The following PARP8 variants were observed in gnomAD, a reference collection of about 807,000 sequenced individuals.
The protein encoded by PARP8 is protein mono-ADP-ribosyltransferase PARP8.
In PARP8, 51 loss-of-function variants were observed where a neutral mutation model predicts 124.1. The ratio of observed to expected loss-of-function variants is 0.41; its 90% CI spans 0.33 to 0.52. The LOEUF (loss-of-function observed/expected upper bound fraction) is 0.52, where lower values mean the gene tolerates loss of function less well. Among genes scored for constraint, PARP8 ranks in the 20% least tolerant of loss-of-function variants. PARP8 has a pLI of 0.21. For synonymous variants in PARP8, 391 were observed against 361.5 expected (o/e 1.08, Z -0.93); for missense variants, 860 against 1,018.9 (o/e 0.84, Z 2.12).
In PARP8 at chr5:50,822,872, C is replaced by T. The variant is rs965156553; in HGVS notation, c.1860+472C>T. Among the ~76,000 whole-genome samples, 14 of 152,078 alleles carry T rather than the reference C, an allele frequency of 9.2e-5. 1 individual carries two copies. Among genetic ancestry groups the T allele is most frequent in the African/African-American group, 3.4e-4 (14 of 41,400 alleles). The stretch of plus-strand genomic sequence containing the variant: ...GAGAGTATGGGTTTATGTTTTTGGT[C>T]ATTAAGGGAGGCTTTGGTGGAAATA... On this transcript the variant is annotated intron_variant, in intron 17 of 25. Coordinates refer to ENST00000281631, the MANE Select transcript of PARP8 (RefSeq NM_024615.4).
rs80275904 is a variant in PARP8 at position 50,837,564 on chromosome 5, T to C, written c.2462+2549T>C. 7.5e-3 allele frequency among the ~76,000 whole-genome samples: 1,140 copies of C among 152,272 alleles called. 14 individuals are homozygous for C. Among genetic ancestry groups the C allele is most frequent in the African/African-American group, 0.026 (1,071 of 41,566 alleles). ...ATGACTAGGATATGAGTTAACATGG[T>C]TACCTTTTTTAAAAGTCTATTATCA... On this transcript the variant is annotated intron_variant, in intron 25 of 25. Transcript: ENST00000281631.
At chr5:50,741,602 A>G (rs1332965876) in intron 2 of PARP8, among the ~76,000 whole-genome samples, 1 of 152,166 alleles carries the variant, frequency 6.6e-6, no homozygotes, top group African/African-American at 2.4e-5. Context: ...TAAAAATCAA[A>G]CAAACAAAAA....
chr5:50,821,488 T>G (rs1406331709), intron 16 of PARP8, 150 bp downstream of exon 16: 3 of 898,492 alleles, frequency 3.3e-6, no homozygotes, highest in Admixed American at 5.4e-5. Context: ...CATATATTTT[T>G]GGGGATTCCG....
chr5:50,722,603 GT>G (rs1756008756), intron 2 of PARP8, among the ~76,000 whole-genome samples: 1 of 152,152 alleles, frequency 6.6e-6, no homozygotes, highest in South Asian at 2.1e-4. Context: ...TATCAGAATT[GT>G]TCCAAAAAAC....
At chr5:50,835,654 TTTTAAAAA>T (rs1747497363) in intron 25 of PARP8, among the ~76,000 whole-genome samples, 1 of 152,238 alleles carries the variant, frequency 6.6e-6, no homozygotes, top group East Asian at 1.9e-4. Flanking sequence ...CTTTTGTTAA[TTTTAAAAA>T]TTTAGAACTG....
intron 2 of PARP8, among the ~76,000 whole-genome samples, chr5:50,682,691 A>T (rs1751425749): frequency 6.6e-6 from 1 of 152,180 alleles, no homozygotes; most frequent in African/African-American, 2.4e-5. Flanking sequence ...AAATTAGGTC[A>T]TGTAAATGTT....
chr5:50,814,200 A>G (rs980710477), intron 14 of PARP8, among the ~76,000 whole-genome samples: 2 of 152,150 alleles, frequency 1.3e-5, no homozygotes, highest in Non-Finnish European at 1.5e-5. Flanking sequence ...ATATCATACC[A>G]TGCTCTAAGC....
At chr5:50,680,292 A>AT (rs1751142475) in intron 2 of PARP8, among the ~76,000 whole-genome samples, 3 of 151,284 alleles carry the variant, frequency 2.0e-5, no homozygotes, top group Admixed American at 6.6e-5. Flanking sequence ...ATTTTATTTT[A>AT]TTTTTTTCCA....
At chr5:50,705,658 G>A (rs534875010) in intron 2 of PARP8, among the ~76,000 whole-genome samples, 6 of 151,906 alleles carry the variant, frequency 3.9e-5, no homozygotes, top group South Asian at 2.1e-4. Context: ...GATGGCGTGC[G>A]CCTGTAATCC....
intron 7 of PARP8, among the ~76,000 whole-genome samples, chr5:50,767,149 T>C (rs1761133825): frequency 6.6e-6 from 1 of 152,162 alleles, no homozygotes; most frequent in South Asian, 2.1e-4. Context: ...GACAGTGAGC[T>C]GCCCCTCCCT....
chr5:50,668,734 C>G (rs1359428297), intron 2 of PARP8: 2 of 152,104 alleles, frequency 1.3e-5, no homozygotes, highest in African/African-American at 4.8e-5. Flanking sequence ...TGAAACAAAC[C>G]CAAATCCAAT....
chr5:50,803,545 ATTAG>A (rs1446920610), intron 14 of PARP8, among the ~76,000 whole-genome samples: 3 of 151,474 alleles, frequency 2.0e-5, no homozygotes, highest in East Asian at 1.9e-4. Context: ...TCTTCCTTAG[ATTAG>A]TTAATCTCAA....
chr5:50,821,390 A>G, intron 16 of PARP8, 52 bp downstream of exon 16: 1 of 1,593,448 alleles, frequency 6.3e-7, no homozygotes, highest in Non-Finnish European at 8.6e-7. Flanking sequence ...AACAATAACA[A>G]CAATATTGAG....
At chr5:50,755,477 G>T (rs2149565259) in intron 3 of PARP8, among the ~76,000 whole-genome samples, 1 of 152,276 alleles carries the variant, frequency 6.6e-6, no homozygotes, top group African/African-American at 2.4e-5. Flanking sequence ...GTTTGTCAAA[G>T]CTCAGATGGT....
chr5:50,826,811 G>GTTT lies in PARP8; in HGVS notation c.1977+20_1977+22dup, dbSNP rs35290606. On this transcript the variant is annotated intron_variant, in intron 19 of 25. Coordinates refer to ENST00000281631, the MANE Select transcript of PARP8 (RefSeq NM_024615.4). The stretch of plus-strand genomic sequence containing the variant: ...AAACTGCCAGTTAACAGGGTAAGTT[G>GTTT]TTTTTTTTTTTTTTACATATGCATA... 49 of 1,427,562 alleles carry GTTT rather than the reference G, an allele frequency of 3.4e-5. No homozygotes were observed. Among genetic ancestry groups the GTTT allele is most frequent in the Admixed American group, 3.0e-4 (14 of 46,250 alleles). 88.4% of individuals were successfully genotyped at this position (1,427,562 alleles called of 1,614,324 possible).
chr5:50,829,973 A>G lies in PARP8; in HGVS notation c.2233+12A>G, dbSNP rs1430048441. ...ATTTGGTTACTCAGGTAATTCCTGTATTTCATTTCTAAAGTCACATTTATT... is the reference window on the plus strand; with the variant it reads ...ATTTGGTTACTCAGGTAATTCCTGTGTTTCATTTCTAAAGTCACATTTATT... On this transcript the variant is annotated intron_variant, in intron 22 of 25. Coordinates refer to ENST00000281631, the MANE Select transcript of PARP8 (RefSeq NM_024615.4). 8.7e-6 allele frequency: 14 copies of G among 1,600,922 alleles called. No individual in the cohort carries two copies. Among genetic ancestry groups the G allele is most frequent in the Non-Finnish European group, 1.2e-5 (14 of 1,173,040 alleles).
At chr5:50,773,579 G>A (rs1023052287) in intron 7 of PARP8, among the ~76,000 whole-genome samples, 3 of 152,122 alleles carry the variant, frequency 2.0e-5, no homozygotes, top group Non-Finnish European at 2.9e-5. Flanking sequence ...CTATAGCTTT[G>A]TAAGGTAGTT....
chr5:50,795,349 A>G lies in PARP8; in HGVS notation c.1360A>G (p.Arg454Gly). 1 of 1,614,080 alleles carries G rather than the reference A, an allele frequency of 6.2e-7. No individual in the cohort carries two copies. Among genetic ancestry groups the G allele is most frequent in the Non-Finnish European group, 8.5e-7 (1 of 1,179,984 alleles). The stretch of plus-strand genomic sequence containing the variant: ...CAAGGAACCTAACGCAGAGGGCAGG[A>G]GGCTCTCTCTTACCTCAGGGCTTAT... ...LFKEPNAEGR[R>G]LSLTSGLIGI... is the part of the protein sequence containing the mutation. The change falls in exon 12 of 26, where the codon AGG becomes GGG. Residue 454 changes from arginine to glycine, a missense_variant. Coordinates refer to ENST00000281631, the MANE Select transcript of PARP8 (RefSeq NM_024615.4).
intron 22 of PARP8, 126 bp from the exon 23 acceptor site, chr5:50,832,655 T>C (rs777203844): frequency 1.3e-5 from 11 of 849,752 alleles, no homozygotes; most frequent in Non-Finnish European, 1.8e-5. Context: ...CAGCCCTTTG[T>C]TACTGTCTCT....
Sources: gnomAD v4.1 joint callset for allele counts (sites outside exome capture counted in the v4.1 genomes callset) on GRCh38, gnomAD v4.1.1 for gene constraint, MANE v1.5 for transcripts, NCBI Gene and HGNC (gene_info 2026-07-23, HGNC 2026-07-21) for gene names.